TLE3: variants seen among roughly 807,000 people sequenced by gnomAD.
TLE3 encodes transducin-like enhancer protein 3.
Under a neutral mutation model 93.0 loss-of-function variants are expected in TLE3, and 14 were observed. The ratio of observed to expected loss-of-function variants is 0.15; its 90% confidence interval spans 0.10 to 0.24. The LOEUF is 0.24. Ranked by LOEUF, TLE3 falls within the 10% of genes least tolerant of loss-of-function variation. TLE3 has a pLI of 1.00. For missense variants in TLE3, 693 were observed against 1,046.6 expected, an observed-to-expected ratio of 0.66 and a Z score of 4.66; for synonymous variants, 451 against 425.0, an observed-to-expected ratio of 1.06 and a Z score of -0.75.
intron 8 of TLE3, among the ~76,000 whole-genome samples, chr15:70,063,222 T>C (rs753682621): frequency 1.3e-5 from 2 of 152,188 alleles, no homozygotes; most frequent in African/African-American, 2.4e-5. Flanking sequence ...CAGGGCCTCA[T>C]AAAGCTGGGA....
chr15:70,065,985 C>T (rs2056790745), intron 7 of TLE3, 29 bp downstream of exon 7: 1 of 1,556,758 alleles, frequency 6.4e-7, no homozygotes, highest in Non-Finnish European at 8.8e-7. Flanking sequence ...CCCTGCCCCG[C>T]CCCACCCTCT....
chr15:70,053,084 C>A, intron 17 of TLE3, 143 bp downstream of exon 17: 2 of 1,077,416 alleles, frequency 1.9e-6, no homozygotes, highest in Non-Finnish European at 2.6e-6. Context: ...TCCAGGAAGC[C>A]TTCCCAGATG....
rs566983259 is a variant in TLE3 at position 70,063,416 on chromosome 15, C to T, written c.594+1038G>A. On this transcript the variant is annotated intron_variant, in intron 8 of 19. Transcript: ENST00000451782. ...CCAAATGTGGTCCTGGATTTCTGAG[C>T]ATGTAGGCGGGTCAAGAGGCCACGG... 2.0e-5 allele frequency among the ~76,000 whole-genome samples: 3 copies of T among 152,278 alleles called. No individual in the cohort carries two copies. In the South Asian group the frequency reaches 6.2e-4, roughly 32 times the overall value.
At chr15:70,050,352 A>G in intron 19 of TLE3, 148 bp from the exon 20 acceptor site, 1 of 647,578 alleles carries the variant, frequency 1.5e-6, no homozygotes, top group Non-Finnish European at 2.8e-6. Flanking sequence ...TCCGACCTGG[A>G]GCACAGTGCG....
Position 70,054,293 on chromosome 15 carries a change from T to G in TLE3, c.1826+145A>C, listed in dbSNP as rs560766407. On this transcript the variant is annotated intron_variant, in intron 16 of 19. Transcript: ENST00000451782. ...CTCGCATAAGGCAGGCGGAGCTGTCTTTTCACCTGTGCATCCCTCATCCCA... is the reference window on the plus strand; with the variant it reads ...CTCGCATAAGGCAGGCGGAGCTGTCGTTTCACCTGTGCATCCCTCATCCCA... The G allele has an allele frequency of 1.9e-5, 23 of 1,233,252 alleles. No individual in the cohort carries two copies. The South Asian group carries it at 3.4e-4, about 18-fold the overall frequency. 76.4% of individuals were successfully genotyped at this position (1,233,252 alleles called of 1,614,324 possible). A position where few individuals can be genotyped will look rare whatever the true frequency, so the allele number is the denominator to read the frequency against.
chr15:70,076,185 G>A (rs1265061917), intron 4 of TLE3, 27 bp from the exon 5 acceptor site: 1 of 1,611,172 alleles, frequency 6.2e-7, no homozygotes. Context: ...ACCACATGAA[G>A]CTCAGGCAAA....
intron 9 of TLE3, 83 bp downstream of exon 9, chr15:70,060,447 C>A (rs1053958243): frequency 1.9e-6 from 3 of 1,571,588 alleles, no homozygotes; most frequent in Admixed American, 1.8e-5. Flanking sequence ...CACAAGAAGA[C>A]CCTGGCCACA....
In TLE3 at chr15:70,049,013, A is replaced by G. The variant is rs1566971814; in HGVS notation, c.*1084T>C. 1 of 152,034 alleles carries G rather than the reference A, an allele frequency of 6.6e-6. No individual in the cohort carries two copies. The highest frequency in any genetic ancestry group is 1.5e-5 in the Non-Finnish European group (1 of 67,982). The allele number at this position is 152,034 out of a possible 1,614,324, so 9.4% of individuals were successfully genotyped here. On this transcript the variant is annotated 3_prime_UTR_variant, in exon 20 of 20. Transcript: ENST00000451782. ...CTTTTTATTCAAATTAAAAAAAAAA[A>G]AAAAGCACCCACATCAGTTGCTATT...
chr15:70,070,251 T>C (rs1345767923), intron 6 of TLE3, among the ~76,000 whole-genome samples: 1 of 152,246 alleles, frequency 6.6e-6, no homozygotes, highest in Admixed American at 6.5e-5. Context: ...TAAGCACCCA[T>C]GGCCTGGCTC....
intron 17 of TLE3, chr15:70,053,013 C>T (rs2141396091): frequency 1.8e-6 from 1 of 559,822 alleles, no homozygotes; most frequent in Non-Finnish European, 3.1e-6. Context: ...ATCGAATTTC[C>T]ACAGTTGGGC....
chr15:70,049,599 AG>A lies in TLE3; in HGVS notation c.*497del, dbSNP rs2055346567. 6.6e-6 allele frequency: 1 copy of A among 151,730 alleles called. No homozygotes were observed. The highest frequency in any genetic ancestry group is 6.6e-5 in the Admixed American group (1 of 15,260). 9.4% of individuals were successfully genotyped at this position (151,730 alleles called of 1,614,324 possible). ...TACACACTCAGAGTTTCCGGTGGGA[AG>A]GGGCCTCCTCTCCCACTGATCAGTC... On this transcript the variant is annotated 3_prime_UTR_variant, in exon 20 of 20. Coordinates refer to ENST00000451782, the MANE Select transcript of TLE3 (RefSeq NM_001105192.3).
chr15:70,061,913 C>G (rs1310554900), intron 8 of TLE3, among the ~76,000 whole-genome samples: 1 of 151,154 alleles, frequency 6.6e-6, no homozygotes, highest in African/African-American at 2.5e-5. Flanking sequence ...GACATCTGTT[C>G]AGAAGAGAAG....
At chr15:70,094,838 C>T (rs2058472883) in intron 3 of TLE3, 1 of 453,752 alleles carries the variant, frequency 2.2e-6, no homozygotes, top group Non-Finnish European at 4.0e-6. Flanking sequence ...CACATGTGCC[C>T]TATATCCTGT....
intron 9 of TLE3, 96 bp downstream of exon 9, chr15:70,060,434 A>C: frequency 2.0e-6 from 3 of 1,533,176 alleles, no homozygotes; most frequent in Non-Finnish European, 2.7e-6. Context: ...ACTCACTGCC[A>C]ACCACAAGAA....
chr15:70,058,217 G>T lies in TLE3; in HGVS notation c.993C>A (p.Thr331=). 6.2e-7 allele frequency: 1 copy of T among 1,613,856 alleles called. No individual in the cohort carries two copies. Among genetic ancestry groups the T allele is most frequent in the Non-Finnish European group, 8.5e-7 (1 of 1,179,832 alleles). The change falls in exon 12 of 20, where the codon ACC becomes ACA. Residue 331 remains threonine (T), a synonymous_variant. Coordinates refer to ENST00000451782, the MANE Select transcript of TLE3 (RefSeq NM_001105192.3). The surrounding 1 kb of genome is among the most constrained non-coding windows in gnomAD (Gnocchi z 4.1). ...TPRNDAPTPG[T]STTPGLRSMP... ...TCGACCTGAGCCCTGGGGTCGTGCT[G>T]GTGCCTGGAGTTGGGGCGTCGTTCC...
intron 4 of TLE3, among the ~76,000 whole-genome samples, chr15:70,089,512 C>G (rs938593950): frequency 1.3e-5 from 2 of 152,188 alleles, no homozygotes. Context: ...CAACTAAAAT[C>G]CCCACTTCCT....
At chr15:70,054,370 C>G in intron 16 of TLE3, 68 bp downstream of exon 16, 1 of 1,558,968 alleles carries the variant, frequency 6.4e-7, no homozygotes, top group Non-Finnish European at 8.7e-7. Flanking sequence ...TCACAGCAAA[C>G]AAGACCAGGC....
intron 16 of TLE3, chr15:70,053,934 CCGTCTGCCTT>C (rs1414881333): frequency 6.3e-6 from 1 of 159,012 alleles, no homozygotes; most frequent in Non-Finnish European, 1.4e-5. Flanking sequence ...GGCCAGGCAC[CCGTCTGCCTT>C]TGCGCTGCGG....
chr15:70,090,968 C>A (rs2058280204), intron 4 of TLE3, among the ~76,000 whole-genome samples: 1 of 152,152 alleles, frequency 6.6e-6, no homozygotes, highest in Non-Finnish European at 1.5e-5. Context: ...ACAGAATACA[C>A]TAGAAAAGGA....
Sources: gnomAD v4.1 joint callset for allele counts (sites outside exome capture counted in the v4.1 genomes callset) on GRCh38, gnomAD v4.1.1 for gene constraint, Gnocchi (gnomAD v3.1) non-coding constraint, MANE v1.5 for transcripts, NCBI Gene and HGNC (gene_info 2026-07-23, HGNC 2026-07-21) for gene names.